The following SRGAP3 variants were observed in gnomAD, a reference collection of about 807,000 sequenced individuals.
SRGAP3 encodes SLIT-ROBO Rho GTPase-activating protein 3.
Under a neutral mutation model 121.1 loss-of-function variants are expected in SRGAP3, and 39 were observed. The observed-to-expected ratio is 0.32, with a 90% CI of 0.25 to 0.42. The LOEUF is 0.42. SRGAP3 is among the 10% of genes least tolerant of loss of function. The probability of loss-of-function intolerance (pLI) is 1.00; values close to 1 mark genes in which losing one functional copy is unlikely to be tolerated. For synonymous variants in SRGAP3, 601 were observed against 570.0 expected (o/e 1.05, Z -0.77); for missense variants, 1,213 against 1,470.6 (o/e 0.82, Z 2.86).
chr3:9,208,392 C>T (rs1445480119), intron 1 of SRGAP3, among the ~76,000 whole-genome samples: 1 of 152,196 alleles, frequency 6.6e-6, no homozygotes, highest in African/African-American at 2.4e-5. Flanking sequence ...CTCCACCAGA[C>T]CGAGATCCAA....
intron 1 of SRGAP3, among the ~76,000 whole-genome samples, chr3:9,154,341 C>A (rs1327354890): frequency 6.6e-6 from 1 of 152,128 alleles, no homozygotes; most frequent in Non-Finnish European, 1.5e-5. Context: ...CAACGTAACT[C>A]AAAATAGACT....
At chr3:9,308,959 C>T (rs573400324) in intron 3 of SRGAP3, among the ~76,000 whole-genome samples, 1 of 152,332 alleles carries the variant, frequency 6.6e-6, no homozygotes, top group African/African-American at 2.4e-5. Context: ...CTGATATTCA[C>T]ATCCTCATAT....
chr3:9,319,135 A>G (rs1428630074), intron 3 of SRGAP3, among the ~76,000 whole-genome samples: 1 of 152,060 alleles, frequency 6.6e-6, no homozygotes. Context: ...TTAATCTTCA[A>G]GGCAATCCTG....
intron 1 of SRGAP3, among the ~76,000 whole-genome samples, chr3:9,226,367 A>C (rs1952988871): frequency 6.6e-6 from 1 of 152,294 alleles, no homozygotes; most frequent in African/African-American, 2.4e-5. Flanking sequence ...CACCTAGAAC[A>C]AATCTCCCTC....
intron 1 of SRGAP3, among the ~76,000 whole-genome samples, chr3:9,169,696 G>A (rs1386452187): frequency 6.6e-6 from 1 of 152,230 alleles, no homozygotes. Context: ...TTGTGAAGTT[G>A]ACAATGGCTT....
chr3:9,006,501 AC>A (rs1207237549), intron 18 of SRGAP3, among the ~76,000 whole-genome samples: 1 of 143,928 alleles, frequency 6.9e-6, no homozygotes, highest in Non-Finnish European at 1.6e-5. Context: ...CAAAAACCTC[AC>A]CTTAATACAC....
intron 1 of SRGAP3, among the ~76,000 whole-genome samples, chr3:9,175,228 A>G (rs1317932028): frequency 4.6e-5 from 7 of 151,844 alleles, no homozygotes; most frequent in Non-Finnish European, 1.0e-4. Flanking sequence ...ATATCTCAGA[A>G]CTCCCACAGC....
At chr3:9,013,631 G>C in intron 16 of SRGAP3, 96 bp from the exon 17 acceptor site, 2 of 1,551,274 alleles carry the variant, frequency 1.3e-6, no homozygotes, top group Non-Finnish European at 1.8e-6. Context: ...ATCCAGGAGG[G>C]TTCCATGTTC....
chr3:9,009,701 A>G (rs1943261323), intron 18 of SRGAP3, among the ~76,000 whole-genome samples: 1 of 152,094 alleles, frequency 6.6e-6, no homozygotes, highest in South Asian at 2.1e-4. Context: ...GAAGGGGTGG[A>G]GGAATCTGGA....
intron 3 of SRGAP3, among the ~76,000 whole-genome samples, chr3:9,305,240 T>C (rs527477603): frequency 3.0e-4 from 45 of 152,150 alleles, no homozygotes; most frequent in African/African-American, 1.0e-3. Context: ...TTCGGGACTG[T>C]AGTGTCCTCC....
At chr3:9,358,208 C>T (rs554066660) in intron 1 of SRGAP3, among the ~76,000 whole-genome samples, 1 of 152,214 alleles carries the variant, frequency 6.6e-6, no homozygotes, top group Admixed American at 6.5e-5. Context: ...CCATAAGAAA[C>T]TCTACCCCCT....
intron 1 of SRGAP3, among the ~76,000 whole-genome samples, chr3:9,357,872 ATT>A (rs563013542): frequency 6.9e-5 from 10 of 145,870 alleles, no homozygotes; most frequent in African/African-American, 2.3e-4. Context: ...CCCATTTGAA[ATT>A]TTTTTTTTTT....
chr3:9,121,724 C>T (rs190237322), intron 2 of SRGAP3, among the ~76,000 whole-genome samples: 2 of 152,352 alleles, frequency 1.3e-5, no homozygotes, highest in African/African-American at 4.8e-5. Context: ...TCCACAATCC[C>T]TGCCTTTCTC....
intron 10 of SRGAP3, among the ~76,000 whole-genome samples, chr3:9,045,509 AATGATGATG>A (rs759746569): frequency 6.6e-6 from 1 of 151,370 alleles, no homozygotes; most frequent in African/African-American, 2.4e-5. Flanking sequence ...GTATGGTGAT[AATGATGATG>A]ATGATGATGA....
intron 11 of SRGAP3, 60 bp downstream of exon 11, chr3:9,038,003 C>T (rs956821795): frequency 6.2e-7 from 1 of 1,610,190 alleles, no homozygotes; most frequent in Non-Finnish European, 8.5e-7. Context: ...GCCTCCCCAG[C>T]CCCATCCCAC....
In SRGAP3 at chr3:9,249,154, C is replaced by T. The variant is rs1361323682; in HGVS notation, c.-203G>A. On this transcript the variant is annotated 5_prime_UTR_variant, in exon 1 of 22. Transcript: ENST00000383836. ...AATCTCTTTACTTGCCGAGAAATGG[C>T]TCTAGTAGCTTGCCCTGGTCAGCTC... 2 of 632,360 alleles carry T rather than the reference C, an allele frequency of 3.2e-6. No homozygotes were observed. The highest frequency in any genetic ancestry group is 1.8e-5 in the African/African-American group (1 of 54,838). 39.2% of individuals were successfully genotyped at this position (632,360 alleles called of 1,614,324 possible).
intron 8 of SRGAP3, among the ~76,000 whole-genome samples, chr3:9,054,484 C>T (rs1007822926): frequency 1.3e-5 from 2 of 152,234 alleles, no homozygotes; most frequent in African/African-American, 2.4e-5. Flanking sequence ...AAAGCCCCTG[C>T]TTCCAGTTGT....
rs1197508301 is a variant in SRGAP3 at position 8,981,830 on chromosome 3, T to C, written c.*3689A>G. The C allele has an allele frequency of 4.4e-6, 1 of 229,310 alleles. No individual in the cohort carries two copies. Among genetic ancestry groups the C allele is most frequent in the Non-Finnish European group, 8.7e-6 (1 of 115,498 alleles). The allele number at this position is 229,310 out of a possible 1,614,324, so 14.2% of individuals were successfully genotyped here. A position where few individuals can be genotyped will look rare whatever the true frequency, so the allele number is the denominator to read the frequency against. On this transcript the variant is annotated 3_prime_UTR_variant, in exon 22 of 22. Coordinates refer to ENST00000383836, the MANE Select transcript of SRGAP3 (RefSeq NM_014850.4). ...AAACCTTTCATCCCTTGGGAATCCA[T>C]CTCTCTCCTGACCCCTGGCCTGGTG...
intron 3 of SRGAP3, among the ~76,000 whole-genome samples, chr3:9,300,177 T>TCAC (rs1327458226): frequency 1.3e-5 from 1 of 77,172 alleles, no homozygotes; most frequent in Non-Finnish European, 2.6e-5. Context: ...ATCTTCATCA[T>TCAC]CACCACCATC....
Sources: allele counts gnomAD v4.1 joint callset (sites outside exome capture counted in the v4.1 genomes callset), GRCh38; gene constraint gnomAD v4.1.1; transcripts MANE v1.5; gene names NCBI Gene and HGNC (gene_info 2026-07-23, HGNC 2026-07-21).